Variants in WNT7B observed in about 807,000 individuals in gnomAD.
The protein encoded by WNT7B is Wnt family member 7B.
In WNT7B, 19 loss-of-function variants were observed where a neutral mutation model predicts 38.2. The ratio of observed to expected loss-of-function variants is 0.50; its 90% confidence interval spans 0.35 to 0.73. WNT7B has a LOEUF of 0.73. Among genes scored for constraint, WNT7B ranks in the 30% least tolerant of loss-of-function variants. WNT7B has a pLI of 0.01. For synonymous variants in WNT7B, 243 were observed against 209.3 expected (o/e 1.16, Z -1.39); for missense variants, 423 against 507.9 (o/e 0.83, Z 1.61).
chr22:45,959,287 G>A, intron 1 of WNT7B, among the ~76,000 whole-genome samples: 1 of 152,208 alleles, frequency 6.6e-6, no homozygotes, highest in East Asian at 1.9e-4. Flanking sequence ...TTGTCACTCA[G>A]ACTGTGTAAC....
At chr22:45,970,288 G>A (rs1291566978) in intron 1 of WNT7B, among the ~76,000 whole-genome samples, 1 of 152,196 alleles carries the variant, frequency 6.6e-6, no homozygotes, top group Admixed American at 6.5e-5. Context: ...AGGGATGCCT[G>A]GAAAAACTGT....
intron 1 of WNT7B, among the ~76,000 whole-genome samples, chr22:45,963,372 C>T (rs1285554471): frequency 6.6e-6 from 1 of 152,158 alleles, no homozygotes; most frequent in Admixed American, 6.5e-5. Context: ...GCCCAGAGTG[C>T]CCACTTCCCC....
intron 3 of WNT7B, among the ~76,000 whole-genome samples, chr22:45,923,943 C>A (rs562985278): frequency 6.6e-6 from 1 of 152,216 alleles, no homozygotes; most frequent in Admixed American, 6.5e-5. Flanking sequence ...GCCGACAGCC[C>A]CGGCCCGCCC....
rs904309292 is a variant in WNT7B, at chr22:45,966,597, C to T, written c.71+10087G>A. 3.9e-5 allele frequency among the ~76,000 whole-genome samples: 6 copies of T among 152,204 alleles called. No individual in the cohort carries two copies. The highest frequency in any genetic ancestry group is 1.2e-4 in the African/African-American group (5 of 41,450). ...GCTGCTCGTCGGGTGCGGTGGCTTC[C>T]TCCCAGGCCCAGCTCCAGGCACCTG... On this transcript the variant is annotated intron_variant, in intron 1 of 3. Transcript: ENST00000339464. This position sits in a 1 kb window ranked among gnomAD's most constrained non-coding sequence, Gnocchi z 4.2.
At position 45,929,817 on chromosome 22, in the gene WNT7B, T is replaced by C. The variant is rs985630245; in HGVS notation, c.570+1281A>G. ...CCACTCAACCATCTACCCATCCATC[T>C]ATCTTCCCATGCACTCTTCTATACA... On this transcript the variant is annotated intron_variant, in intron 3 of 3. Transcript: ENST00000339464. Among the ~76,000 whole-genome samples the C allele has an allele frequency of 6.3e-3, 946 of 149,482 alleles. 7 individuals are homozygous for C. The highest frequency in any genetic ancestry group is 0.018 in the African/African-American group (717 of 40,386).
At chr22:45,964,812 A>G (rs908043999) in intron 1 of WNT7B, among the ~76,000 whole-genome samples, 2 of 152,138 alleles carry the variant, frequency 1.3e-5, no homozygotes, top group Admixed American at 6.5e-5. Flanking sequence ...AGGAGGAGGC[A>G]GGCAACCCTG....
intron 3 of WNT7B, chr22:45,927,565 C>A: frequency 8.0e-7 from 1 of 1,247,634 alleles, no homozygotes; most frequent in Non-Finnish European, 1.1e-6. Context: ...CTGGGTTGTC[C>A]AAGTAGGCCC....
chr22:45,976,599 C>A lies in WNT7B; in HGVS notation c.71+85G>T. On this transcript the variant is annotated intron_variant, in intron 1 of 3. Coordinates refer to ENST00000339464, the MANE Select transcript of WNT7B (RefSeq NM_058238.3). The surrounding 1 kb of genome is among the most constrained non-coding windows in gnomAD (Gnocchi z 8.5). Reference sequence around the variant, plus strand: ...GAGCTGCAGTGGCCCCCTCCAGTCCCCACGTCCCCACGGGGACGCCCCGGA... The same window carrying A: ...GAGCTGCAGTGGCCCCCTCCAGTCCACACGTCCCCACGGGGACGCCCCGGA... 3 of 1,444,108 alleles carry A rather than the reference C, an allele frequency of 2.1e-6. No individual in the cohort carries two copies. The highest frequency in any genetic ancestry group is 2.9e-6 in the Non-Finnish European group (3 of 1,052,488). 89.5% of individuals were successfully genotyped at this position (1,444,108 alleles called of 1,614,324 possible).
At chr22:45,957,789 G>A (rs559951103) in intron 1 of WNT7B, among the ~76,000 whole-genome samples, 9 of 150,874 alleles carry the variant, frequency 6.0e-5, no homozygotes, top group Middle Eastern at 3.5e-3. Context: ...TAGCCCGCAC[G>A]GGGGGTGCTA....
In WNT7B at chr22:45,977,050, G is replaced by A; in HGVS notation, c.-296C>T. The A allele has an allele frequency of 1.0e-6, 1 of 982,068 alleles. No individual in the cohort carries two copies. Among genetic ancestry groups the A allele is most frequent in the Non-Finnish European group, 1.2e-6 (1 of 827,398 alleles). The allele number at this position is 982,068 out of a possible 1,614,324, so 60.8% of individuals were successfully genotyped here. A position where few individuals can be genotyped will look rare whatever the true frequency, so the allele number is the denominator to read the frequency against. On this transcript the variant is annotated 5_prime_UTR_variant, in exon 1 of 4. Coordinates refer to ENST00000339464, the MANE Select transcript of WNT7B (RefSeq NM_058238.3). ...AAGCGCGGGCCGGGGGCCCGGGCGC[G>A]GCTGGCGGGCGGGTGCAGCCTGCAC... is the stretch of plus-strand genomic sequence containing the variant.
chr22:45,957,703 A>C (rs543469580), intron 1 of WNT7B, among the ~76,000 whole-genome samples: 8,483 of 146,170 alleles, frequency 0.058, 428 homozygotes, highest in African/African-American at 0.1. Flanking sequence ...AAAAAAAAAA[A>C]AAAAAAAAAC....
At chr22:45,956,967 G>A (rs368347898) in intron 1 of WNT7B, among the ~76,000 whole-genome samples, 62 of 152,276 alleles carry the variant, frequency 4.1e-4, no homozygotes, top group African/African-American at 9.4e-4. Context: ...TTAGCTGGGC[G>A]TGGTGGCGTG....
chr22:45,930,543 C>T (rs1931309859), intron 3 of WNT7B, among the ~76,000 whole-genome samples: 2 of 152,210 alleles, frequency 1.3e-5, no homozygotes, highest in African/African-American at 2.4e-5. Context: ...CCGGTGTGTC[C>T]CTGCCTGAAT....
In WNT7B at chr22:45,921,578, A is replaced by C. The variant is rs1382782310; in HGVS notation, c.*1278T>G. 1 of 152,058 alleles carries C rather than the reference A, an allele frequency of 6.6e-6. No homozygotes were observed. The highest frequency in any genetic ancestry group is 1.5e-5 in the Non-Finnish European group (1 of 68,020). The allele number at this position is 152,058 out of a possible 1,614,324, so 9.4% of individuals were successfully genotyped here. On this transcript the variant is annotated 3_prime_UTR_variant, in exon 4 of 4. Coordinates refer to ENST00000339464, the MANE Select transcript of WNT7B (RefSeq NM_058238.3). Reference sequence around the variant, plus strand: ...TTCCCATCTGTCAAGTGGGACAAACATCCCTGACCACTCACCACCTGCCTG... The same window carrying C: ...TTCCCATCTGTCAAGTGGGACAAACCTCCCTGACCACTCACCACCTGCCTG...
At chr22:45,949,409 G>A (rs909817536) in intron 2 of WNT7B, among the ~76,000 whole-genome samples, 6 of 139,242 alleles carry the variant, frequency 4.3e-5, no homozygotes, top group South Asian at 2.3e-4. Flanking sequence ...CAGTTCACTC[G>A]GCTCCCTCTA....
In WNT7B at chr22:45,923,170, G is replaced by C. The variant is rs1470661814; in HGVS notation, c.736C>G (p.Leu246Val). Residue 246 changes from leucine to valine, a missense_variant, in exon 4 of 4, where the codon CTG becomes GTG. By Grantham distance (32) the Leu-to-Val change is conservative (BLOSUM62 1). Around this residue, in one of 3 missense-constraint regions of WNT7B, gnomAD observed 158 missense variants for 214.7 expected, o/e 0.74. Coordinates refer to ENST00000339464, the MANE Select transcript of WNT7B (RefSeq NM_058238.3). ...VQVEVVRASR[L>V]RQPTFLRIKQ... is the part of the protein sequence containing the mutation. ...ATGCGCAGGAAGGTGGGCTGCCGCA[G>C]ACGGCTGGCCCGCACCACCTCCACC... is the stretch of plus-strand genomic sequence containing the variant. 6.2e-7 allele frequency: 1 copy of C among 1,613,298 alleles called. No individual in the cohort carries two copies. Among genetic ancestry groups the C allele is most frequent in the Non-Finnish European group, 8.5e-7 (1 of 1,179,972 alleles).
intron 3 of WNT7B, chr22:45,927,123 T>TG: frequency 1.0e-6 from 1 of 985,398 alleles, no homozygotes; most frequent in Non-Finnish European, 1.2e-6. Flanking sequence ...GGGTTGGTCT[T>TG]GGGGGCATGG....
chr22:45,925,742 C>G lies in WNT7B; in HGVS notation c.571-2407G>C, dbSNP rs562752736. 99 of 985,436 alleles carry G rather than the reference C, an allele frequency of 1.0e-4. 3 individuals are homozygous for G. The East Asian group carries it at 9.7e-3, about 96-fold the overall frequency. 61.0% of individuals were successfully genotyped at this position (985,436 alleles called of 1,614,324 possible). On this transcript the variant is annotated intron_variant, in intron 3 of 3. Transcript: ENST00000339464. ...GATGCTCCCCAGGCCAGGCGCCACC[C>G]CAGGAGCTGCCCTGATGGTGGCCCC...
intron 2 of WNT7B, among the ~76,000 whole-genome samples, chr22:45,945,833 C>T (rs531264415): frequency 9.2e-5 from 14 of 152,360 alleles, no homozygotes; most frequent in East Asian, 7.7e-4. Context: ...ACACTCCCCA[C>T]GCAGAGCTCG....
Sources: allele counts gnomAD v4.1 joint callset (sites outside exome capture counted in the v4.1 genomes callset), GRCh38; gene constraint gnomAD v4.1.1; regional missense constraint gnomAD v4.1.1; non-coding constraint Gnocchi (gnomAD v3.1); transcripts MANE v1.5; gene names NCBI Gene and HGNC (gene_info 2026-07-23, HGNC 2026-07-21).